DNER: variants seen among roughly 807,000 people sequenced by gnomAD.
DNER encodes delta/notch like EGF repeat containing.
Under a neutral mutation model 78.2 loss-of-function variants are expected in DNER, and 33 were observed. The ratio of observed to expected loss-of-function variants is 0.42; its 90% CI spans 0.32 to 0.56. DNER has a LOEUF of 0.56. Among genes scored for constraint, DNER ranks in the 20% least tolerant of loss-of-function variants. The pLI, the probability that DNER is intolerant of heterozygous loss-of-function variation, is 0.11. For missense variants in DNER, 918 were observed against 975.3 expected, an observed-to-expected ratio of 0.94 and a Z score of 0.78; for synonymous variants, 417 against 384.8, an observed-to-expected ratio of 1.08 and a Z score of -0.98.
At chr2:229,500,197 T>G (rs1413885027) in intron 6 of DNER, among the ~76,000 whole-genome samples, 1 of 152,212 alleles carries the variant, frequency 6.6e-6, no homozygotes, top group Non-Finnish European at 1.5e-5. Context: ...CCTCTCACAG[T>G]GCCAGGATTA....
At chr2:229,549,688 G>T (rs538230173) in intron 4 of DNER, among the ~76,000 whole-genome samples, 2 of 152,118 alleles carry the variant, frequency 1.3e-5, no homozygotes, top group Non-Finnish European at 2.9e-5. Context: ...GAAGCGCGTG[G>T]ATCATGAGGT....
chr2:229,661,579 G>A (rs1232875320), intron 1 of DNER, among the ~76,000 whole-genome samples: 1 of 151,994 alleles, frequency 6.6e-6, no homozygotes, highest in Non-Finnish European at 1.5e-5. Flanking sequence ...TTAGTAAGAA[G>A]GATAACCAAG....
At chr2:229,625,197 G>GTGTAGCTCTCTTGTATTTTACAA (rs1246032524) in intron 1 of DNER, among the ~76,000 whole-genome samples, 1 of 152,156 alleles carries the variant, frequency 6.6e-6, no homozygotes, top group East Asian at 1.9e-4. Context: ...TGCTTCCTCA[G>GTGTAGCTCTCTTGTATTTTACAA]TGTAGCTCTC....
At chr2:229,512,704 A>C in intron 6 of DNER, 79 bp downstream of exon 6, 1 of 1,553,290 alleles carries the variant, frequency 6.4e-7, no homozygotes, top group Non-Finnish European at 8.7e-7. Context: ...GTTCTCCAAA[A>C]ACCTTTGTAA....
intron 11 of DNER, among the ~76,000 whole-genome samples, chr2:229,369,261 TAAC>T (rs1692424291): frequency 6.6e-6 from 1 of 151,622 alleles, no homozygotes; most frequent in South Asian, 2.1e-4. Flanking sequence ...AAAAAAGTTT[TAAC>T]TTTCTAAAAA....
intron 5 of DNER, among the ~76,000 whole-genome samples, chr2:229,515,875 A>G (rs1269630855): frequency 6.6e-6 from 1 of 152,118 alleles, no homozygotes; most frequent in African/African-American, 2.4e-5. Context: ...TCCTGACCTC[A>G]GGGTGATCCT....
intron 1 of DNER, among the ~76,000 whole-genome samples, chr2:229,650,963 C>T (rs575108896): frequency 3.9e-5 from 6 of 152,144 alleles, no homozygotes; most frequent in Admixed American, 2.0e-4. Flanking sequence ...CATCATTTGC[C>T]CTTTATCTGG....
chr2:229,427,478 G>C, intron 8 of DNER, among the ~76,000 whole-genome samples: 1 of 152,166 alleles, frequency 6.6e-6, no homozygotes, highest in East Asian at 1.9e-4. Flanking sequence ...GCGCTTATGA[G>C]GGGAAAAACA....
rs183683503 is a variant in DNER, at chr2:229,639,855, G to A, written c.277-47967C>T. Among the ~76,000 whole-genome samples, 770 of 152,154 alleles carry A rather than the reference G, an allele frequency of 5.1e-3. 3 individuals are homozygous for A. Among genetic ancestry groups the A allele is most frequent in the Middle Eastern group, 0.031 (9 of 294 alleles). On this transcript the variant is annotated intron_variant, in intron 1 of 12. Transcript: ENST00000341772. ...GGCCCTTGAATGATGATCCAGTGTC[G>A]GACTCAGGAGCTCATAGGACTTGCA...
At chr2:229,383,168 C>T (rs192239676) in intron 11 of DNER, among the ~76,000 whole-genome samples, 25 of 152,232 alleles carry the variant, frequency 1.6e-4, no homozygotes, top group African/African-American at 5.8e-4. Context: ...ACCTAAGTTT[C>T]GTAAGTGAAG....
intron 1 of DNER, among the ~76,000 whole-genome samples, chr2:229,687,020 A>T (rs1699494114): frequency 6.6e-6 from 1 of 152,080 alleles, no homozygotes; most frequent in African/African-American, 2.4e-5. Flanking sequence ...TATTTTATGC[A>T]CCTTAACATA....
chr2:229,449,584 G>A (rs1166976017), intron 7 of DNER, among the ~76,000 whole-genome samples: 4 of 152,190 alleles, frequency 2.6e-5, no homozygotes, highest in South Asian at 4.2e-4. Context: ...AAAAATGGTG[G>A]GGGTGGGCGG....
chr2:229,404,526 A>G (rs889787496), intron 10 of DNER, among the ~76,000 whole-genome samples: 3 of 152,178 alleles, frequency 2.0e-5, no homozygotes, highest in East Asian at 1.9e-4. Flanking sequence ...GGGGATTCCA[A>G]TTCAAGATGA....
chr2:229,405,889 A>T (rs1337475655), intron 10 of DNER, among the ~76,000 whole-genome samples: 1 of 152,008 alleles, frequency 6.6e-6, no homozygotes, highest in Non-Finnish European at 1.5e-5. Context: ...TATCTGGGGA[A>T]AAAAAACCCG....
At chr2:229,396,889 G>T (rs560015797) in intron 10 of DNER, among the ~76,000 whole-genome samples, 1 of 152,214 alleles carries the variant, frequency 6.6e-6, no homozygotes, top group African/African-American at 2.4e-5. Flanking sequence ...TAGTCAATGT[G>T]AGGGAAGGGC....
At chr2:229,467,930 G>T (rs1694837290) in intron 7 of DNER, among the ~76,000 whole-genome samples, 1 of 152,222 alleles carries the variant, frequency 6.6e-6, no homozygotes, top group African/African-American at 2.4e-5. Context: ...TACAGAGGCA[G>T]CAGCCAGCAT....
chr2:229,714,096 G>A (rs1271014227), intron 1 of DNER, 52 bp downstream of exon 1: 5 of 1,247,940 alleles, frequency 4.0e-6, no homozygotes, highest in Admixed American at 8.5e-5. Flanking sequence ...GGCGGGAAGA[G>A]GCTGCTGGTC....
intron 1 of DNER, among the ~76,000 whole-genome samples, chr2:229,619,547 CT>C (rs1490629462): frequency 6.6e-6 from 1 of 152,102 alleles, no homozygotes; most frequent in Non-Finnish European, 1.5e-5. Flanking sequence ...TGTCCTAGGG[CT>C]TCTGTTCAGT....
chr2:229,440,847 T>C (rs1019441), intron 8 of DNER, among the ~76,000 whole-genome samples: 61,804 of 152,132 alleles, frequency 0.41, 15,069 homozygotes, highest in Non-Finnish European at 0.55. Context: ...GATCCTCACA[T>C]AAACGTTTAA....
Sources: allele counts gnomAD v4.1 joint callset (sites outside exome capture counted in the v4.1 genomes callset), GRCh38; gene constraint gnomAD v4.1.1; transcripts MANE v1.5; gene names NCBI Gene and HGNC (gene_info 2026-07-23, HGNC 2026-07-21).